Variants in D2HGDH observed in about 807,000 individuals in gnomAD.
D2HGDH encodes D-2-hydroxyglutarate dehydrogenase.
In D2HGDH, 31 loss-of-function variants were observed where a neutral mutation model predicts 46.9. The observed-to-expected ratio is 0.66, with a 90% CI of 0.50 to 0.89. The LOEUF is 0.89. Ranked by LOEUF, D2HGDH falls within the 40% of genes least tolerant of loss-of-function variation. The pLI, the probability that D2HGDH is intolerant of heterozygous loss-of-function variation, is 0.00. For missense variants in D2HGDH, 698 were observed against 720.8 expected (o/e 0.97, Z 0.36); for synonymous variants, 364 against 332.6 (o/e 1.09, Z -1.03).
Position 241,755,862 on chromosome 2 carries a change from T to G in D2HGDH, c.1154T>G (p.Leu385Arg), listed in dbSNP as rs1575315650. The change falls in exon 9 of 10, where the codon CTG (leucine) becomes CGG (arginine). Residue 385 changes from leucine (L) to arginine (R), a missense_variant. By Grantham distance (102) the Leu-to-Arg change is moderately radical. Coordinates refer to ENST00000321264, the MANE Select transcript of D2HGDH (RefSeq NM_152783.5). ...DQRKVKMLWA[L>R]RERITEALSR... is the part of the protein sequence containing the mutation. The stretch of plus-strand genomic sequence containing the variant: ...CTCATCCTCTAGATGCTGTGGGCCC[T>G]GAGGGAAAGGATCACAGAGGCGCTG... 1 of 1,612,694 alleles carries G rather than the reference T, an allele frequency of 6.2e-7. No individual in the cohort carries two copies. The highest frequency in any genetic ancestry group is 8.5e-7 in the Non-Finnish European group (1 of 1,179,250).
intron 2 of D2HGDH, among the ~76,000 whole-genome samples, chr2:241,740,031 G>A (rs1694022393): frequency 6.6e-6 from 1 of 152,324 alleles, no homozygotes; most frequent in Admixed American, 6.5e-5. Context: ...TGTAGTCCCA[G>A]CTGCTTGGGA....
chr2:241,754,968 C>G, intron 8 of D2HGDH: 1 of 1,210,716 alleles, frequency 8.3e-7, no homozygotes, highest in Non-Finnish European at 1.1e-6. Flanking sequence ...GGGCTTGAGC[C>G]CTGGGTAGGA....
intron 8 of D2HGDH, chr2:241,755,460 C>G: frequency 1.5e-6 from 2 of 1,317,046 alleles, no homozygotes; most frequent in Non-Finnish European, 2.0e-6. Context: ...TGTGCCGTGT[C>G]ATGACCTGAA....
chr2:241,740,383 G>A (rs1006512999), intron 2 of D2HGDH, among the ~76,000 whole-genome samples: 13 of 152,250 alleles, frequency 8.5e-5, no homozygotes, highest in East Asian at 3.9e-4. Flanking sequence ...CCGTGGGACC[G>A]AGCCGACCTC....
chr2:241,741,373 G>A (rs1694403580), intron 3 of D2HGDH, among the ~76,000 whole-genome samples: 1 of 152,204 alleles, frequency 6.6e-6, no homozygotes, highest in Non-Finnish European at 1.5e-5. Flanking sequence ...ACTGGTCTCC[G>A]GGTGTCCATG....
At chr2:241,735,654 G>A in intron 2 of D2HGDH, 138 bp downstream of exon 2, 2 of 1,170,996 alleles carry the variant, frequency 1.7e-6, no homozygotes, top group Non-Finnish European at 1.2e-6. Flanking sequence ...CGTGTGCACC[G>A]CCACAGGCTG....
At chr2:241,739,820 A>G (rs6707853) in intron 2 of D2HGDH, among the ~76,000 whole-genome samples, 144,226 of 152,350 alleles carry the variant, frequency 0.95, 68,337 homozygotes, top group East Asian at 1. Context: ...CACGTCAGTG[A>G]GAGCGAAGGG....
intron 8 of D2HGDH, 168 bp from the exon 9 acceptor site, chr2:241,755,681 G>T: frequency 6.4e-7 from 1 of 1,551,674 alleles, no homozygotes; most frequent in Non-Finnish European, 8.7e-7. Flanking sequence ...GACATTCGCT[G>T]TCTGGGGTTG....
At chr2:241,746,665 G>A (rs911466583) in intron 6 of D2HGDH, among the ~76,000 whole-genome samples, 14 of 152,094 alleles carry the variant, frequency 9.2e-5, no homozygotes, top group South Asian at 6.2e-4. Flanking sequence ...TGAGGCAGGT[G>A]GATCACGAGG....
intron 9 of D2HGDH, among the ~76,000 whole-genome samples, chr2:241,756,375 C>T (rs1034193157): frequency 3.3e-5 from 5 of 152,248 alleles, no homozygotes; most frequent in Non-Finnish European, 5.9e-5. Context: ...GGCCCGGCCC[C>T]GAGGCCTTTG....
At chr2:241,746,346 C>T (rs1304212950) in intron 6 of D2HGDH, among the ~76,000 whole-genome samples, 1 of 152,110 alleles carries the variant, frequency 6.6e-6, no homozygotes, top group Non-Finnish European at 1.5e-5. Flanking sequence ...TGGTTCCCTC[C>T]GTCCATTGAG....
intron 8 of D2HGDH, chr2:241,755,197 CCCT>C: frequency 7.7e-7 from 1 of 1,294,290 alleles, no homozygotes; most frequent in Non-Finnish European, 1.0e-6. Flanking sequence ...CCCGCCGTGT[CCCT>C]CCTCCTCCAC....
intron 8 of D2HGDH, chr2:241,755,297 C>G: frequency 2.3e-6 from 3 of 1,302,618 alleles, no homozygotes; most frequent in Non-Finnish European, 3.0e-6. Context: ...GTCCCTGCCT[C>G]CCACCCGACA....
intron 8 of D2HGDH, among the ~76,000 whole-genome samples, chr2:241,752,033 G>GATA (rs1697329506): frequency 2.5e-4 from 38 of 149,954 alleles, no homozygotes; most frequent in African/African-American, 5.4e-4. Flanking sequence ...CCGGGACCTG[G>GATA]GTGGGAGGAG....
rs1458441732 is a variant in D2HGDH, at chr2:241,742,449, G to C, written c.365G>C (p.Arg122Thr). 1 of 1,612,818 alleles carries C rather than the reference G, an allele frequency of 6.2e-7. No individual in the cohort carries two copies. Among genetic ancestry groups the C allele is most frequent in the East Asian group, 2.2e-5 (1 of 44,850 alleles). ...VSHILRHCHE[R>T]NLAVNPQGGN... ...CCTCATCCCAGGCACTGCCACGAGA[G>C]GAACCTGGCCGTGAACCCACAGGGG... Residue 122 changes from arginine to threonine, a missense_variant, in exon 4 of 10, where the codon AGG (arginine) becomes ACG (threonine). Arg to Thr is a moderately conservative substitution (Grantham distance 71). Coordinates refer to ENST00000321264, the MANE Select transcript of D2HGDH (RefSeq NM_152783.5). The surrounding 1 kb of genome is among the most constrained non-coding windows in gnomAD (Gnocchi z 4.8).
intron 8 of D2HGDH, among the ~76,000 whole-genome samples, chr2:241,753,477 G>A (rs1260683823): frequency 2.0e-5 from 3 of 152,168 alleles, no homozygotes; most frequent in Non-Finnish European, 4.4e-5. Flanking sequence ...CGGTGTTGGC[G>A]AGGCTCTGGG....
intron 9 of D2HGDH, among the ~76,000 whole-genome samples, chr2:241,761,297 G>A (rs1014708055): frequency 2.0e-5 from 3 of 152,230 alleles, no homozygotes; most frequent in South Asian, 2.1e-4. Context: ...CCAGCAATAC[G>A]GGAGGCCAAA....
intron 2 of D2HGDH, among the ~76,000 whole-genome samples, chr2:241,737,225 C>T (rs1388662409): frequency 6.6e-6 from 1 of 152,262 alleles, no homozygotes; most frequent in Non-Finnish European, 1.5e-5. Flanking sequence ...CTGCCTCGGC[C>T]TCCCAAAGTG....
intron 2 of D2HGDH, chr2:241,736,045 G>C (rs146914710): frequency 4.9e-5 from 8 of 164,358 alleles, no homozygotes; most frequent in Non-Finnish European, 5.3e-5. Context: ...ACAGGCGTGA[G>C]CCACCCCGCC....
Sources: allele counts gnomAD v4.1 joint callset (sites outside exome capture counted in the v4.1 genomes callset), GRCh38; gene constraint gnomAD v4.1.1; non-coding constraint Gnocchi (gnomAD v3.1); transcripts MANE v1.5; gene names NCBI Gene and HGNC (gene_info 2026-07-23, HGNC 2026-07-21).